Variants in WBP1L observed in about 807,000 individuals in gnomAD.
The protein encoded by WBP1L is WW domain binding protein 1-like.
A neutral mutation model predicts 33.7 loss-of-function variants in WBP1L; 17 were observed. The observed-to-expected ratio is 0.50, with a 90% CI of 0.34 to 0.76. The LOEUF is 0.76. Ranked by LOEUF, WBP1L falls within the 30% of genes least tolerant of loss-of-function variation. WBP1L has a pLI of 0.01. For synonymous variants in WBP1L, 173 were observed against 190.8 expected (o/e 0.91, Z 0.77); for missense variants, 389 against 469.4 (o/e 0.83, Z 1.58).
chr10:102,799,447 G>GGAGTGAC (rs1380246604), intron 2 of WBP1L, among the ~76,000 whole-genome samples: 3 of 152,150 alleles, frequency 2.0e-5, no homozygotes, highest in African/African-American at 7.2e-5. Flanking sequence ...GGGTCTTCAG[G>GGAGTGAC]GAGTGACCCA....
intron 1 of WBP1L, among the ~76,000 whole-genome samples, chr10:102,746,743 CAGG>C (rs1238831220): frequency 6.6e-6 from 1 of 152,150 alleles, no homozygotes; most frequent in African/African-American, 2.4e-5. Flanking sequence ...ACTTTGAATT[CAGG>C]AGGACTTACT....
chr10:102,789,747 CTTTT>C (rs759423576), intron 1 of WBP1L, among the ~76,000 whole-genome samples: 2 of 138,232 alleles, frequency 1.4e-5, no homozygotes, highest in Non-Finnish European at 3.2e-5. Context: ...AATTTTGTAT[CTTTT>C]TTTTTTTTTT....
chr10:102,791,272 G>A (rs1430174872), intron 1 of WBP1L, among the ~76,000 whole-genome samples: 1 of 152,018 alleles, frequency 6.6e-6, no homozygotes, highest in Non-Finnish European at 1.5e-5. Context: ...TTTCTTGCAA[G>A]TTCAGCTTTG....
chr10:102,781,832 G>T (rs185341289), intron 1 of WBP1L, among the ~76,000 whole-genome samples: 14 of 143,562 alleles, frequency 9.8e-5, no homozygotes, highest in Admixed American at 7.4e-4. Flanking sequence ...GGTGAGAAAG[G>T]TGGTGCTTAC....
chr10:102,808,251 AT>A (rs1483401433), intron 2 of WBP1L, among the ~76,000 whole-genome samples: 2 of 152,236 alleles, frequency 1.3e-5, no homozygotes, highest in African/African-American at 2.4e-5. Flanking sequence ...GAAAATTTAA[AT>A]TTCTTATTCT....
At chr10:102,806,273 A>G (rs965154571) in intron 2 of WBP1L, among the ~76,000 whole-genome samples, 1 of 152,126 alleles carries the variant, frequency 6.6e-6, no homozygotes, top group African/African-American at 2.4e-5. Context: ...CAGAAGTATA[A>G]TGGACTGTGA....
intron 1 of WBP1L, chr10:102,775,985 C>G: frequency 1.6e-5 from 9 of 571,740 alleles, no homozygotes; most frequent in Non-Finnish European, 1.8e-5. Flanking sequence ...GCAGCCCCCA[C>G]CATCCTCCCA....
intron 1 of WBP1L, among the ~76,000 whole-genome samples, chr10:102,746,579 AT>A (rs1226332558): frequency 6.9e-6 from 1 of 144,564 alleles, no homozygotes; most frequent in African/African-American, 2.6e-5. Flanking sequence ...ATCCACCGCA[AT>A]TTAGTCAGTG....
At chr10:102,776,279 G>A (rs376873491) in intron 1 of WBP1L, 21 of 1,607,642 alleles carry the variant, frequency 1.3e-5, no homozygotes, top group African/African-American at 9.4e-5. Context: ...AAAGAAGGCC[G>A]GTGAACCAGG....
intron 2 of WBP1L, among the ~76,000 whole-genome samples, chr10:102,798,702 C>T (rs920669193): frequency 7.9e-5 from 12 of 152,214 alleles, no homozygotes; most frequent in Middle Eastern, 3.2e-3. Flanking sequence ...GGATTAGAGG[C>T]GTGAGCCACC....
intron 3 of WBP1L, among the ~76,000 whole-genome samples, chr10:102,812,203 C>G (rs555642150): frequency 1.7e-4 from 26 of 152,318 alleles, no homozygotes; most frequent in Non-Finnish European, 2.5e-4. Flanking sequence ...GCCTGTGGGA[C>G]TTGGATGAAG....
At chr10:102,761,823 A>C (rs530584244) in intron 1 of WBP1L, among the ~76,000 whole-genome samples, 143 of 152,054 alleles carry the variant, frequency 9.4e-4, no homozygotes, top group African/African-American at 3.2e-3. Flanking sequence ...TGCTGGGATT[A>C]TAAGTGTGAG....
rs1842903968 is a variant in WBP1L, at chr10:102,749,520, C to T, written c.90+5377C>T. The stretch of plus-strand genomic sequence containing the variant: ...AGAGATGAGTGTCTCACCATGTTGC[C>T]CAGGTGGGTCTAGAACTCCTTGGGC... On this transcript the variant is annotated intron_variant, in intron 1 of 3. Coordinates refer to ENST00000448841, the MANE Select transcript of WBP1L (RefSeq NM_001083913.2). Among the ~76,000 whole-genome samples, 8 of 151,836 alleles carry T rather than the reference C, an allele frequency of 5.3e-5. No individual in the cohort carries two copies. The South Asian group carries it at 1.2e-3, about 24-fold the overall frequency.
chr10:102,776,621 G>A (rs1349150611), intron 1 of WBP1L, among the ~76,000 whole-genome samples: 2 of 152,020 alleles, frequency 1.3e-5, no homozygotes, highest in Admixed American at 6.6e-5. Flanking sequence ...AACCCTCTAC[G>A]TCCCCGAGGT....
chr10:102,797,262 G>T (rs912279395), intron 1 of WBP1L, among the ~76,000 whole-genome samples: 2 of 152,140 alleles, frequency 1.3e-5, no homozygotes. Context: ...AATACATACC[G>T]CTTTAATTAT....
intron 1 of WBP1L, among the ~76,000 whole-genome samples, chr10:102,749,594 G>A (rs1214730147): frequency 2.0e-5 from 3 of 151,664 alleles, no homozygotes; most frequent in South Asian, 2.1e-4. Context: ...GATTACAGGC[G>A]TGAGCCACCA....
intron 1 of WBP1L, among the ~76,000 whole-genome samples, chr10:102,755,487 G>A (rs1287330300): frequency 6.6e-6 from 1 of 151,956 alleles, no homozygotes; most frequent in East Asian, 2.0e-4. Context: ...CGCCTCCTGG[G>A]TACAAGTGAT....
At chr10:102,772,105 G>A (rs1038659362) in intron 1 of WBP1L, among the ~76,000 whole-genome samples, 2 of 149,314 alleles carry the variant, frequency 1.3e-5, no homozygotes, top group African/African-American at 4.9e-5. Context: ...AACTACAGGC[G>A]CCCGCCACCA....
At chr10:102,805,680 AC>A (rs1843722722) in intron 2 of WBP1L, among the ~76,000 whole-genome samples, 1 of 140,216 alleles carries the variant, frequency 7.1e-6, no homozygotes. Context: ...ATTGCTTGAG[AC>A]CAGAGTTTGT....
Sources: allele counts gnomAD v4.1 joint callset (sites outside exome capture counted in the v4.1 genomes callset), GRCh38; gene constraint gnomAD v4.1.1; transcripts MANE v1.5; gene names NCBI Gene and HGNC (gene_info 2026-07-23, HGNC 2026-07-21).